Variants in TMTC1 observed in about 807,000 individuals in gnomAD.
TMTC1 encodes protein O-mannosyl-transferase TMTC1.
A neutral mutation model predicts 104.8 loss-of-function variants in TMTC1; 73 were observed. The observed-to-expected ratio is 0.70, with a 90% CI of 0.58 to 0.85. The LOEUF (loss-of-function observed/expected upper bound fraction) is 0.85, where lower values mean the gene tolerates loss of function less well. TMTC1 is among the 40% of genes least tolerant of loss of function. The probability of loss-of-function intolerance (pLI) is 0.00; values close to 1 mark genes in which losing one functional copy is unlikely to be tolerated. For synonymous variants in TMTC1, 434 were observed against 428.7 expected (o/e 1.01, Z -0.15); for missense variants, 1,035 against 1,096.1 (o/e 0.94, Z 0.79).
chr12:29,695,675 C>A (rs1363339842), intron 5 of TMTC1, among the ~76,000 whole-genome samples: 1 of 151,510 alleles, frequency 6.6e-6, no homozygotes, highest in Non-Finnish European at 1.5e-5. Context: ...TACGATATAA[C>A]CCAAAAGTTT....
intron 5 of TMTC1, among the ~76,000 whole-genome samples, chr12:29,731,779 A>G (rs1942552683): frequency 2.0e-5 from 3 of 152,296 alleles, no homozygotes; most frequent in Admixed American, 1.3e-4. Context: ...TTTATTACAC[A>G]CTTAAAAGAT....
At chr12:29,516,278 G>A (rs1198703606) in intron 15 of TMTC1, 71 bp downstream of exon 15, 6 of 1,523,668 alleles carry the variant, frequency 3.9e-6, no homozygotes, top group African/African-American at 2.8e-5. Flanking sequence ...CACGCAAACT[G>A]GAGAATCACT....
Position 29,566,202 on chromosome 12 carries a change from G to T in TMTC1, c.1532+5903C>A, listed in dbSNP as rs558875379. Among the ~76,000 whole-genome samples, 17 of 152,218 alleles carry T rather than the reference G, an allele frequency of 1.1e-4. 2 individuals carry two copies. The highest frequency in any genetic ancestry group is 4.1e-4 in the African/African-American group (17 of 41,514). On this transcript the variant is annotated intron_variant, in intron 9 of 17. Coordinates refer to ENST00000539277, the MANE Select transcript of TMTC1 (RefSeq NM_001193451.2). ...TGAGGGAGGCAGCCATTGAGGTAAG[G>T]GGGGAAGGGTTCTAGGAGGAAAGAA...
At chr12:29,555,694 T>C (rs573876100) in intron 10 of TMTC1, among the ~76,000 whole-genome samples, 1 of 152,322 alleles carries the variant, frequency 6.6e-6, no homozygotes, top group East Asian at 1.9e-4. Context: ...ATGGTGTATA[T>C]GTGCCACATT....
intron 9 of TMTC1, among the ~76,000 whole-genome samples, chr12:29,561,221 T>G (rs1945369390): frequency 6.6e-6 from 1 of 151,940 alleles, no homozygotes; most frequent in African/African-American, 2.4e-5. Flanking sequence ...GAAGCACTTG[T>G]GTTCTTAAAT....
rs571389999 is a variant in TMTC1 at position 29,772,305 on chromosome 12, C to T, written c.303-4230G>A. Among the ~76,000 whole-genome samples the T allele has an allele frequency of 3.9e-5, 6 of 152,296 alleles. No individual in the cohort carries two copies. The South Asian group carries it at 1.2e-3, about 32-fold the overall frequency. On this transcript the variant is annotated intron_variant, in intron 1 of 17. Coordinates refer to ENST00000539277, the MANE Select transcript of TMTC1 (RefSeq NM_001193451.2). ...GGCTCACAATTTGCCATAGTCTCTA[C>T]CAATTCCTATCATATTCCTAACCTG...
intron 11 of TMTC1, chr12:29,535,440 T>A (rs905380613): frequency 6.6e-6 from 1 of 152,216 alleles, no homozygotes; most frequent in Non-Finnish European, 1.5e-5. Flanking sequence ...AAATTTCTGA[T>A]GCAAATCGCT....
At chr12:29,648,051 A>G (rs1477856657) in intron 5 of TMTC1, among the ~76,000 whole-genome samples, 2 of 152,206 alleles carry the variant, frequency 1.3e-5, no homozygotes, top group Non-Finnish European at 2.9e-5. Flanking sequence ...CCAGATTTAC[A>G]AGAGTGGAGG....
At chr12:29,604,444 T>A in intron 6 of TMTC1, 145 bp from the exon 7 acceptor site, 1 of 1,138,594 alleles carries the variant, frequency 8.8e-7, no homozygotes, top group Non-Finnish European at 1.2e-6. Flanking sequence ...CGTGCTGAAT[T>A]TAACAGAGAA....
intron 2 of TMTC1, 118 bp from the exon 3 acceptor site, chr12:29,758,895 G>A: frequency 1.2e-6 from 1 of 866,538 alleles, no homozygotes; most frequent in South Asian, 1.9e-5. Context: ...TAATAAAATA[G>A]AAATCTCACT....
At position 29,503,516 on chromosome 12, in the gene TMTC1, A is replaced by G. The variant is rs755279726; in HGVS notation, c.*3330T>C. 1 of 152,216 alleles carries G rather than the reference A, an allele frequency of 6.6e-6. No homozygotes were observed. Among genetic ancestry groups the G allele is most frequent in the Non-Finnish European group, 1.5e-5 (1 of 68,040 alleles). The allele number at this position is 152,216 out of a possible 1,614,324, so 9.4% of individuals were successfully genotyped here. On this transcript the variant is annotated 3_prime_UTR_variant, in exon 18 of 18. Coordinates refer to ENST00000539277, the MANE Select transcript of TMTC1 (RefSeq NM_001193451.2). ...CTTATCAGGGATTTTGAAGGCAAGG[A>G]GAACTGATTCTAGGCACAAAAAAAA...
At chr12:29,510,224 A>T (rs1396159023) in intron 17 of TMTC1, among the ~76,000 whole-genome samples, 1 of 152,200 alleles carries the variant, frequency 6.6e-6, no homozygotes, top group Non-Finnish European at 1.5e-5. Flanking sequence ...AGTGTACTGA[A>T]TACTGTAGGC....
At chr12:29,572,317 G>T in intron 8 of TMTC1, 99 bp from the exon 9 acceptor site, 2 of 1,008,480 alleles carry the variant, frequency 2.0e-6, no homozygotes, top group East Asian at 2.6e-5. Context: ...TATTTGAAAT[G>T]TCCGTTGTAT....
chr12:29,661,376 A>C, intron 5 of TMTC1: 1 of 972,586 alleles, frequency 1.0e-6, no homozygotes, highest in Non-Finnish European at 1.2e-6. Context: ...CAGATCTCTT[A>C]CCTCTAAAAA....
intron 6 of TMTC1, among the ~76,000 whole-genome samples, chr12:29,615,849 C>T (rs568798527): frequency 3.3e-5 from 5 of 152,152 alleles, no homozygotes; most frequent in East Asian, 1.9e-4. Flanking sequence ...GCTGTGGTGG[C>T]GGTTGTTTTT....
At chr12:29,694,296 T>C (rs1362360393) in intron 5 of TMTC1, among the ~76,000 whole-genome samples, 2 of 152,182 alleles carry the variant, frequency 1.3e-5, no homozygotes, top group South Asian at 2.1e-4. Context: ...GAAGCTTACA[T>C]GTACAGTCAT....
intron 7 of TMTC1, among the ~76,000 whole-genome samples, chr12:29,595,854 A>G (rs919128479): frequency 6.6e-6 from 1 of 152,236 alleles, no homozygotes; most frequent in Admixed American, 6.5e-5. Flanking sequence ...GGAAAGGAAT[A>G]GCATGAGAGG....
chr12:29,736,404 CCTTA>C (rs945176996), intron 5 of TMTC1, among the ~76,000 whole-genome samples: 25 of 152,028 alleles, frequency 1.6e-4, no homozygotes, highest in African/African-American at 6.0e-4. Context: ...GTAACCTTTT[CCTTA>C]CTTAAATTCT....
intron 9 of TMTC1, among the ~76,000 whole-genome samples, chr12:29,570,091 T>C (rs182246223): frequency 9.5e-4 from 145 of 152,350 alleles, no homozygotes; most frequent in African/African-American, 3.3e-3. Flanking sequence ...AAAAAGATAC[T>C]GATACATTTC....
Sources: gnomAD v4.1 joint callset for allele counts (sites outside exome capture counted in the v4.1 genomes callset) on GRCh38, gnomAD v4.1.1 for gene constraint, MANE v1.5 for transcripts, NCBI Gene and HGNC (gene_info 2026-07-23, HGNC 2026-07-21) for gene names.